Variants in LHX9 observed in about 807,000 individuals in gnomAD.
LHX9 encodes LIM/homeobox protein Lhx9.
A neutral mutation model predicts 36.5 loss-of-function variants in LHX9; 9 were observed. The observed-to-expected ratio is 0.25, with a 90% confidence interval of 0.15 to 0.43. The LOEUF is 0.43. Ranked by LOEUF, LHX9 falls within the 20% of genes least tolerant of loss-of-function variation. The probability of loss-of-function intolerance (pLI) is 1.00; values close to 1 mark genes in which losing one functional copy is unlikely to be tolerated. For synonymous variants in LHX9, 211 were observed against 212.1 expected (o/e 0.99, Z 0.04); for missense variants, 464 against 526.4 (o/e 0.88, Z 1.16).
intron 1 of LHX9, among the ~76,000 whole-genome samples, chr1:197,919,286 G>C (rs1288136716): frequency 6.6e-6 from 1 of 152,224 alleles, no homozygotes; most frequent in Non-Finnish European, 1.5e-5. Context: ...AAAGGTCTCA[G>C]TACGCCTGTT....
intron 1 of LHX9, among the ~76,000 whole-genome samples, 196 bp from the exon 2 acceptor site, chr1:197,919,776 C>A (rs2102593976): frequency 6.6e-6 from 1 of 152,384 alleles, no homozygotes; most frequent in Admixed American, 6.5e-5. Context: ...CCGGTTCAGG[C>A]AGACACGGAA....
intron 2 of LHX9, 79 bp downstream of exon 2, chr1:197,920,253 G>A (rs1659940394): frequency 8.7e-6 from 12 of 1,378,872 alleles, no homozygotes; most frequent in Non-Finnish European, 9.2e-6. Context: ...TCCCCTCTCC[G>A]TCCCCTACCT....
In LHX9 at chr1:197,934,337, A is replaced by G. The variant is rs1431049226; in HGVS notation, c.*5078A>G. 1 of 152,168 alleles carries G rather than the reference A, an allele frequency of 6.6e-6. No homozygotes were observed. The highest frequency in any genetic ancestry group is 1.5e-5 in the Non-Finnish European group (1 of 68,030). 9.4% of individuals were successfully genotyped at this position (152,168 alleles called of 1,614,324 possible). On this transcript the variant is annotated 3_prime_UTR_variant, in exon 5 of 5. Transcript: ENST00000367387. The stretch of plus-strand genomic sequence containing the variant: ...TGCAAGGCATGTTGTGGTGGAAATC[A>G]TTAGAACTGGGAAGCTCTGGAATGG...
chr1:197,919,356 C>G (rs904453009), intron 1 of LHX9, among the ~76,000 whole-genome samples: 2 of 152,082 alleles, frequency 1.3e-5, no homozygotes, highest in East Asian at 3.9e-4. Flanking sequence ...TCTTTGGGAA[C>G]AGCCACTTTA....
rs751509861 is a variant in LHX9 at position 197,929,035 on chromosome 1, A to C, written c.970A>C (p.Arg324=). Residue 324 remains arginine, a synonymous_variant, in exon 5 of 5, where the codon AGG becomes CGG. Transcript: ENST00000367387. ...CCAAAACGCACGAGCCAAATTCAGA[A>C]GGAACCTTTTGCGGCAGGAGAATGG... ...WFQNARAKFR[R]NLLRQENGGV... 1 of 1,612,712 alleles carries C rather than the reference A, an allele frequency of 6.2e-7. No homozygotes were observed. Among genetic ancestry groups the C allele is most frequent in the Non-Finnish European group, 8.5e-7 (1 of 1,179,578 alleles).
chr1:197,929,299 C>T lies in LHX9; in HGVS notation c.*40C>T. The stretch of plus-strand genomic sequence containing the variant: ...TTTTAGTTTTTAAATTCTTCCTCTT[C>T]TTTTTATTATTATTCTAATTATTAT... On this transcript the variant is annotated 3_prime_UTR_variant, in exon 5 of 5. Transcript: ENST00000367387. The T allele has an allele frequency of 6.4e-6, 8 of 1,256,922 alleles. No individual in the cohort carries two copies. The highest frequency in any genetic ancestry group is 8.2e-6 in the Non-Finnish European group (8 of 978,318). The allele number at this position is 1,256,922 out of a possible 1,614,324, so 77.9% of individuals were successfully genotyped here.
At chr1:197,913,297 C>T (rs1015277733), upstream of LHX9, 4 of 152,354 alleles carry the variant, frequency 2.6e-5, no homozygotes, top group East Asian at 7.7e-4. Context: ...AGGGCAGGGC[C>T]TTGGCCGGGA....
chr1:197,930,481 T>G lies in LHX9; in HGVS notation c.*1222T>G, dbSNP rs1376032205. ...TGAATGTTCATCTATTACGCTTCTG[T>G]TGTAGTTAAATACCAATTAGATTGT... is the stretch of plus-strand genomic sequence containing the variant. On this transcript the variant is annotated 3_prime_UTR_variant, in exon 5 of 5. Transcript: ENST00000367387. 6.6e-6 allele frequency: 1 copy of G among 151,994 alleles called. No homozygotes were observed. The highest frequency in any genetic ancestry group is 1.5e-5 in the Non-Finnish European group (1 of 67,898). 9.4% of individuals were successfully genotyped at this position (151,994 alleles called of 1,614,324 possible).
intron 2 of LHX9, among the ~76,000 whole-genome samples, chr1:197,920,895 AC>A (rs772602501): frequency 7.2e-5 from 11 of 152,288 alleles, no homozygotes; most frequent in Non-Finnish European, 1.0e-4. Flanking sequence ...ATGCTTTCCC[AC>A]ACCCGCGCAC....
upstream of LHX9, among the ~76,000 whole-genome samples, chr1:197,913,808 A>G (rs992717314): frequency 6.6e-6 from 1 of 152,194 alleles, no homozygotes; most frequent in Non-Finnish European, 1.5e-5. Flanking sequence ...TTAAAGGGCA[A>G]ACTTAGAGGC....
rs1460739103 is a variant in LHX9 at position 197,921,175 on chromosome 1, C to A, written c.378-129C>A. On this transcript the variant is annotated intron_variant, in intron 2 of 4. Coordinates refer to ENST00000367387, the MANE Select transcript of LHX9 (RefSeq NM_020204.3). This position sits in a 1 kb window ranked among gnomAD's most constrained non-coding sequence, Gnocchi z 4.6. ...GATGAGCAAATAAAATTAATGCCTA[C>A]TCTCCTGTCCCCCTGGAACCCTCCC... 3.2e-6 allele frequency: 2 copies of A among 632,460 alleles called. No individual in the cohort carries two copies. Among genetic ancestry groups the A allele is most frequent in the African/African-American group, 1.8e-5 (1 of 54,492 alleles). 39.2% of individuals were successfully genotyped at this position (632,460 alleles called of 1,614,324 possible).
chr1:197,918,361 T>G, intron 1 of LHX9: 1 of 717,400 alleles, frequency 1.4e-6, no homozygotes, highest in East Asian at 2.7e-5. Context: ...AAGCTGGGCA[T>G]AAGCAATAGG....
At chr1:197,912,773 T>G, upstream of LHX9, 1 of 615,832 alleles carries the variant, frequency 1.6e-6, no homozygotes, top group Non-Finnish European at 2.9e-6. Context: ...CCTTTTGCCT[T>G]TCTCTTTGAC....
At chr1:197,927,829 C>G (rs745492780) in intron 4 of LHX9, 36 bp downstream of exon 4, 2 of 1,547,896 alleles carry the variant, frequency 1.3e-6, no homozygotes, top group African/African-American at 2.7e-5. Flanking sequence ...GCATACATTT[C>G]CCTTCCCCTT....
rs1009220165 is a variant in LHX9 at position 197,921,583 on chromosome 1, G to A, written c.657G>A (p.Thr219=). Residue 219 remains threonine, a synonymous_variant, in exon 3 of 5, where the codon ACG becomes ACA. Transcript: ENST00000367387. The surrounding 1 kb of genome is among the most constrained non-coding windows in gnomAD (Gnocchi z 4.6). ...GGLALPYFNG[T]GTVQKGRPRK... is the part of the protein sequence containing the mutation. Reference sequence around the variant, plus strand: ...TGGCCCTGCCTTACTTCAACGGTACGGGCACCGTGCAGAAAGGGCGGCCCC... The same window carrying A: ...TGGCCCTGCCTTACTTCAACGGTACAGGCACCGTGCAGAAAGGGCGGCCCC... The A allele has an allele frequency of 2.5e-6, 4 of 1,611,560 alleles. No homozygotes were observed. Among genetic ancestry groups the A allele is most frequent in the South Asian group, 1.1e-5 (1 of 91,062 alleles).
chr1:197,921,461 A>G lies in LHX9; in HGVS notation c.535A>G (p.Ser179Gly), dbSNP rs570271166. 1 of 1,614,202 alleles carries G rather than the reference A, an allele frequency of 6.2e-7. No homozygotes were observed. Among genetic ancestry groups the G allele is most frequent in the South Asian group, 1.1e-5 (1 of 91,086 alleles). ...GGGCGACCATTTCGGCATGAAGGAC[A>G]GCCTGGTGTACTGCCGCGCCCACTT... ...TTGDHFGMKD[S>G]LVYCRAHFET... is the part of the protein sequence containing the mutation. Residue 179 changes from serine to glycine, a missense_variant, in exon 3 of 5, where the codon AGC becomes GGC. Ser to Gly is a moderately conservative substitution (Grantham distance 56, BLOSUM62 0). Around this residue, in one of 5 missense-constraint regions of LHX9, gnomAD observed 93 missense variants for 150.3 expected, o/e 0.62. Coordinates refer to ENST00000367387, the MANE Select transcript of LHX9 (RefSeq NM_020204.3). The surrounding 1 kb of genome is among the most constrained non-coding windows in gnomAD (Gnocchi z 4.6).
intron 2 of LHX9, 122 bp downstream of exon 2, chr1:197,920,296 G>A: frequency 1.4e-6 from 1 of 697,154 alleles, no homozygotes; most frequent in South Asian, 1.6e-5. Flanking sequence ...TATCATTTCG[G>A]AGACCAGGCA....
upstream of LHX9, chr1:197,916,871 A>G: frequency 1.5e-6 from 1 of 675,200 alleles, no homozygotes; most frequent in Non-Finnish European, 2.7e-6. Flanking sequence ...ATTTCTGCTC[A>G]ATATTTATGC....
chr1:197,931,340 C>T lies in LHX9; in HGVS notation c.*2081C>T, dbSNP rs1285846960. The T allele has an allele frequency of 6.6e-6, 1 of 151,954 alleles. No individual in the cohort carries two copies. Among genetic ancestry groups the T allele is most frequent in the Non-Finnish European group, 1.5e-5 (1 of 67,848 alleles). The allele number at this position is 151,954 out of a possible 1,614,324, so 9.4% of individuals were successfully genotyped here. ...TCGTGTTTATAGTACAGTAAGTGGT[C>T]TAGCAAAATTGTCCATGTTTCTTTG... On this transcript the variant is annotated 3_prime_UTR_variant, in exon 5 of 5. Transcript: ENST00000367387.
Sources: allele counts gnomAD v4.1 joint callset (sites outside exome capture counted in the v4.1 genomes callset), GRCh38; gene constraint gnomAD v4.1.1; regional missense constraint gnomAD v4.1.1; non-coding constraint Gnocchi (gnomAD v3.1); transcripts MANE v1.5; gene names NCBI Gene and HGNC (gene_info 2026-07-23, HGNC 2026-07-21).